Variants in BACE2 observed in about 807,000 individuals in gnomAD.
BACE2 encodes the protein beta-secretase 2, also known as 56 kDa aspartic-like protease.
In BACE2, 17 loss-of-function variants were observed where a neutral mutation model predicts 46.2. That is an observed-to-expected ratio of 0.37 (90% confidence interval 0.25 to 0.55). BACE2 has a LOEUF of 0.55. Among genes scored for constraint, BACE2 ranks in the 20% least tolerant of loss-of-function variants. The pLI, the probability that BACE2 is intolerant of heterozygous loss-of-function variation, is 0.82. For synonymous variants in BACE2, 277 were observed against 295.9 expected (o/e 0.94, Z 0.66); for missense variants, 595 against 698.1 (o/e 0.85, Z 1.66).
Position 41,216,472 on chromosome 21 carries a change from A to C in BACE2, c.313-9794A>C, listed in dbSNP as rs1426963499. Among the ~76,000 whole-genome samples the C allele has an allele frequency of 2.0e-5, 3 of 152,256 alleles. No individual in the cohort carries two copies. The East Asian group carries it at 5.8e-4, about 29-fold the overall frequency. ...ATAAGGTTGTGCTGAATGCCTGGGC[A>C]ATGAGAAGAAATCACCTGTGTAAAA... On this transcript the variant is annotated intron_variant, in intron 1 of 8. Coordinates refer to ENST00000330333, the MANE Select transcript of BACE2 (RefSeq NM_012105.5).
chr21:41,222,326 G>A (rs1986682778), intron 1 of BACE2, among the ~76,000 whole-genome samples: 1 of 152,226 alleles, frequency 6.6e-6, no homozygotes, highest in Non-Finnish European at 1.5e-5. Context: ...AGGAGACTGG[G>A]AACAGCAGTT....
rs895434894 is a variant in BACE2 at position 41,280,157 on chromosome 21, G to C, written c.*4533G>C. The C allele has an allele frequency of 1.3e-5, 2 of 152,412 alleles. No individual in the cohort carries two copies. The highest frequency in any genetic ancestry group is 4.8e-5 in the African/African-American group (2 of 41,454). 9.4% of individuals were successfully genotyped at this position (152,412 alleles called of 1,614,324 possible). A position where few individuals can be genotyped will look rare whatever the true frequency, so the allele number is the denominator to read the frequency against. On this transcript the variant is annotated 3_prime_UTR_variant, in exon 9 of 9. Transcript: ENST00000330333. ...TGCCTCAAGGCCCACGCAGGACACA[G>C]GCAGGTTCAAGGTCATGCACCTGGA... is the stretch of plus-strand genomic sequence containing the variant.
rs531025596 is a variant in BACE2 at position 41,200,562 on chromosome 21, C to T, written c.313-25704C>T. ...TGCTAGCCCGGCCCCCTGTGATGGA[C>T]TGAATTGTGTCCCTCAAATTTATAC... On this transcript the variant is annotated intron_variant, in intron 1 of 8. Coordinates refer to ENST00000330333, the MANE Select transcript of BACE2 (RefSeq NM_012105.5). 4.6e-5 allele frequency among the ~76,000 whole-genome samples: 7 copies of T among 152,272 alleles called. No individual in the cohort carries two copies. The East Asian group carries it at 1.2e-3, about 25-fold the overall frequency.
intron 2 of BACE2, among the ~76,000 whole-genome samples, chr21:41,235,801 A>G (rs1335726582): frequency 2.0e-5 from 3 of 152,256 alleles, no homozygotes; most frequent in Admixed American, 1.3e-4. Flanking sequence ...TGATTGCGCT[A>G]TGGCACTCCA....
intron 7 of BACE2, among the ~76,000 whole-genome samples, chr21:41,255,821 G>A (rs1433048703): frequency 6.6e-6 from 1 of 152,206 alleles, no homozygotes; most frequent in African/African-American, 2.4e-5. Flanking sequence ...CACCAGAAGG[G>A]TTTTATTTAA....
At position 41,221,983 on chromosome 21, in the gene BACE2, C is replaced by T. The variant is rs73366431; in HGVS notation, c.313-4283C>T. Among the ~76,000 whole-genome samples, 504 of 152,256 alleles carry T rather than the reference C, an allele frequency of 3.3e-3. 4 individuals carry two copies. Among genetic ancestry groups the T allele is most frequent in the African/African-American group, 0.012 (480 of 41,546 alleles). Reference sequence around the variant, plus strand: ...GAGGCAGCAGGAGCTGTCGGGACCCCGTGAATGGCATGATTGCGCACGGGG... The same window carrying T: ...GAGGCAGCAGGAGCTGTCGGGACCCTGTGAATGGCATGATTGCGCACGGGG... On this transcript the variant is annotated intron_variant, in intron 1 of 8. Transcript: ENST00000330333.
At chr21:41,170,553 G>T (rs1282935651) in intron 1 of BACE2, among the ~76,000 whole-genome samples, 2 of 152,146 alleles carry the variant, frequency 1.3e-5, no homozygotes, top group Non-Finnish European at 2.9e-5. Flanking sequence ...CCTGACTACT[G>T]CATTAGGATT....
At chr21:41,212,835 C>T (rs530913388) in intron 1 of BACE2, among the ~76,000 whole-genome samples, 2 of 152,292 alleles carry the variant, frequency 1.3e-5, no homozygotes, top group African/African-American at 4.8e-5. Flanking sequence ...GCTGTCTTCT[C>T]GCTTCTAGCT....
intron 1 of BACE2, among the ~76,000 whole-genome samples, chr21:41,213,479 A>G (rs1170957080): frequency 3.3e-5 from 5 of 152,244 alleles, no homozygotes; most frequent in African/African-American, 1.2e-4. Flanking sequence ...GCTGTTGAAA[A>G]AAATGAGTAA....
intron 6 of BACE2, among the ~76,000 whole-genome samples, chr21:41,249,468 C>T (rs1987576051): frequency 6.6e-6 from 1 of 152,178 alleles, no homozygotes; most frequent in South Asian, 2.1e-4. Context: ...CAGAGCTCAG[C>T]CCTCTGCAGA....
rs180913642 is a variant in BACE2, at chr21:41,200,683, G to A, written c.313-25583G>A. ...AAGTTAAAATGTGGCCATGAGGGTG[G>A]GCCCTGATCCAGTCTGACAAGTGTC... On this transcript the variant is annotated intron_variant, in intron 1 of 8. Coordinates refer to ENST00000330333, the MANE Select transcript of BACE2 (RefSeq NM_012105.5). Among the ~76,000 whole-genome samples, 20 of 152,288 alleles carry A rather than the reference G, an allele frequency of 1.3e-4. No individual in the cohort carries two copies. The East Asian group carries it at 3.9e-3, about 29-fold the overall frequency.
chr21:41,230,316 CT>C (rs1165444246), intron 2 of BACE2: 1 of 152,170 alleles, frequency 6.6e-6, no homozygotes, highest in Non-Finnish European at 1.5e-5. Context: ...CTTTTATCTG[CT>C]TTTTACATGC....
intron 1 of BACE2, chr21:41,179,728 G>A (rs899031170): frequency 1.0e-5 from 12 of 1,161,208 alleles, no homozygotes; most frequent in Non-Finnish European, 1.4e-5. Flanking sequence ...CAATTAAAAA[G>A]GAGAATCAAG....
chr21:41,245,838 A>G (rs1266186064), intron 5 of BACE2, 124 bp from the exon 6 acceptor site: 3 of 669,898 alleles, frequency 4.5e-6, no homozygotes, highest in African/African-American at 3.6e-5. Flanking sequence ...TACACAGTCC[A>G]TGATGACTGG....
At position 41,257,272 on chromosome 21, in the gene BACE2, G is replaced by A. The variant is rs146761165; in HGVS notation, c.1249G>A (p.Val417Ile). The A allele has an allele frequency of 6.2e-6, 10 of 1,614,174 alleles. No individual in the cohort carries two copies. In the African/African-American group the frequency reaches 6.7e-5, roughly 11 times the overall value. The change falls in exon 8 of 9, where the codon GTC (valine) becomes ATC (isoleucine). Residue 417 changes from valine (V) to isoleucine (I), a missense_variant. Val to Ile is a conservative substitution (Grantham distance 29). Transcript: ENST00000330333. ...IGATVMEGFYVIFDRAQKRVG... is the reference protein window; with the variant it reads ...IGATVMEGFYIIFDRAQKRVG... ...TGCCACGGTGATGGAGGGCTTCTACGTCATCTTCGACAGAGCCCAGAAGAG... is the reference window on the plus strand; with the variant it reads ...TGCCACGGTGATGGAGGGCTTCTACATCATCTTCGACAGAGCCCAGAAGAG...
chr21:41,281,692 A>G lies in BACE2; in HGVS notation c.*6068A>G, dbSNP rs1230999829. 6.6e-6 allele frequency: 1 copy of G among 152,210 alleles called. No homozygotes were observed. Among genetic ancestry groups the G allele is most frequent in the African/African-American group, 2.4e-5 (1 of 41,442 alleles). 9.4% of individuals were successfully genotyped at this position (152,210 alleles called of 1,614,324 possible). A position where few individuals can be genotyped will look rare whatever the true frequency, so the allele number is the denominator to read the frequency against. On this transcript the variant is annotated 3_prime_UTR_variant, in exon 9 of 9. Coordinates refer to ENST00000330333, the MANE Select transcript of BACE2 (RefSeq NM_012105.5). ...AGATTATCTCTTTTTAAGATGGAGGAAAAAAAGTGAACAAAGCTAATTAAT... is the reference window on the plus strand; with the variant it reads ...AGATTATCTCTTTTTAAGATGGAGGGAAAAAAGTGAACAAAGCTAATTAAT...
At chr21:41,174,110 T>G (rs4818216) in intron 1 of BACE2, among the ~76,000 whole-genome samples, 129,456 of 140,714 alleles carry the variant, frequency 0.92, 59,714 homozygotes, top group East Asian at 1. Flanking sequence ...GATCCCAAAA[T>G]GATAAGGATA....
chr21:41,244,382 G>T (rs1987394983), intron 5 of BACE2, among the ~76,000 whole-genome samples: 1 of 152,118 alleles, frequency 6.6e-6, no homozygotes, highest in South Asian at 2.1e-4. Context: ...AGGGAGACAG[G>T]GGTGGGTCCA....
intron 1 of BACE2, among the ~76,000 whole-genome samples, chr21:41,222,445 G>A (rs1161186820): frequency 5.9e-5 from 9 of 152,214 alleles, no homozygotes; most frequent in Admixed American, 5.9e-4. Flanking sequence ...GTATCCTGGG[G>A]AAGAGCCCCC....
Sources: gnomAD v4.1 joint callset for allele counts (sites outside exome capture counted in the v4.1 genomes callset) on GRCh38, gnomAD v4.1.1 for gene constraint, MANE v1.5 for transcripts, NCBI Gene and HGNC (gene_info 2026-07-23, HGNC 2026-07-21) for gene names.